ACADSB: variants seen among roughly 807,000 people sequenced by gnomAD.
ACADSB encodes short/branched chain specific acyl-CoA dehydrogenase, mitochondrial.
Under a neutral mutation model 54.1 loss-of-function variants are expected in ACADSB, and 40 were observed. That is an observed-to-expected ratio of 0.74 (90% CI 0.57 to 0.96). The LOEUF (loss-of-function observed/expected upper bound fraction) is 0.96. Ranked by LOEUF, ACADSB falls within the 40% of genes least tolerant of loss-of-function variation. The probability of loss-of-function intolerance (pLI) is 0.00; values close to 1 mark genes in which losing one functional copy is unlikely to be tolerated. For synonymous variants in ACADSB, 182 were observed against 182.8 expected (o/e 1.00, Z 0.03); for missense variants, 530 against 510.4 (o/e 1.04, Z -0.37).
intron 7 of ACADSB, among the ~76,000 whole-genome samples, chr10:123,045,154 TATATATATATATATA>T (rs1850539063): frequency 1.1e-3 from 14 of 12,798 alleles, no homozygotes; most frequent in African/African-American, 2.4e-3. Flanking sequence ...TATATATATA[TATATATATATATATA>T]TATTTTTTTT....
At chr10:123,041,112 A>C (rs1251892835) in intron 4 of ACADSB, 97 bp from the exon 5 acceptor site, 2 of 1,337,608 alleles carry the variant, frequency 1.5e-6, no homozygotes, top group Admixed American at 1.8e-5. Flanking sequence ...AAAGCAGCTA[A>C]AGATTTGATT....
In ACADSB at chr10:123,012,123, T is replaced by C. The variant is rs142592328; in HGVS notation, c.42+3052T>C. Among the ~76,000 whole-genome samples the C allele has an allele frequency of 5.0e-3, 758 of 152,322 alleles. 9 individuals carry two copies. The highest frequency in any genetic ancestry group is 0.017 in the African/African-American group (698 of 41,564). ...ACCTCACCCTCCAAAATGCTGGGAT[T>C]ACAGGCATGAGCCATTGCACCCAGC... is the stretch of plus-strand genomic sequence containing the variant. On this transcript the variant is annotated intron_variant, in intron 1 of 10. Coordinates refer to ENST00000358776, the MANE Select transcript of ACADSB (RefSeq NM_001609.4).
At chr10:123,044,599 C>T (rs966525246) in intron 7 of ACADSB, 114 bp downstream of exon 7, 3 of 823,442 alleles carry the variant, frequency 3.6e-6, no homozygotes, top group African/African-American at 3.4e-5. Flanking sequence ...GGCACCGTTC[C>T]CTTACATGAG....
At chr10:123,028,239 T>C (rs1286087060) in intron 1 of ACADSB, among the ~76,000 whole-genome samples, 1 of 119,600 alleles carries the variant, frequency 8.4e-6, no homozygotes, top group African/African-American at 2.7e-5. Context: ...TAAATGTTAC[T>C]GTAATAAACT....
At chr10:123,042,454 A>C (rs561965264) in intron 5 of ACADSB, among the ~76,000 whole-genome samples, 2 of 137,550 alleles carry the variant, frequency 1.5e-5, no homozygotes, top group African/African-American at 5.5e-5. Context: ...TAAATTGTTA[A>C]AACTTTTTTT....
chr10:123,047,026 G>A (rs1458365769), intron 7 of ACADSB, among the ~76,000 whole-genome samples, 183 bp from the exon 8 acceptor site: 1 of 152,152 alleles, frequency 6.6e-6, no homozygotes, highest in Admixed American at 6.5e-5. Context: ...CCAATTATTG[G>A]AAGTTCAGTT....
At chr10:123,018,132 A>G (rs953563709) in intron 1 of ACADSB, among the ~76,000 whole-genome samples, 1 of 152,184 alleles carries the variant, frequency 6.6e-6, no homozygotes, top group Non-Finnish European at 1.5e-5. Context: ...AAGTCTGTTC[A>G]GCTGGTTTGG....
chr10:123,057,135 A>G lies in ACADSB; in HGVS notation c.*3370A>G, dbSNP rs1850719256. 1 of 152,398 alleles carries G rather than the reference A, an allele frequency of 6.6e-6. No individual in the cohort carries two copies. Among genetic ancestry groups the G allele is most frequent in the African/African-American group, 2.4e-5 (1 of 41,478 alleles). The allele number at this position is 152,398 out of a possible 1,614,324, so 9.4% of individuals were successfully genotyped here. A position where few individuals can be genotyped will look rare whatever the true frequency, so the allele number is the denominator to read the frequency against. On this transcript the variant is annotated 3_prime_UTR_variant, in exon 11 of 11. Transcript: ENST00000358776. ...TACAGATAATGGAGCAGAAGCCAAC[A>G]TTAGTAAAAGGAATCCCAACTTCTT... is the stretch of plus-strand genomic sequence containing the variant.
rs755999073 is a variant in ACADSB, at chr10:123,053,792, G to A, written c.*27G>A. ...GTCTATAGGAGTGGGACCCCTCCCT[G>A]GTGTCACTGCTGTAAAATTTTAAAC... On this transcript the variant is annotated 3_prime_UTR_variant, in exon 11 of 11. Transcript: ENST00000358776. 1.6e-5 allele frequency: 26 copies of A among 1,591,706 alleles called. No individual in the cohort carries two copies. Among genetic ancestry groups the A allele is most frequent in the Non-Finnish European group, 1.9e-5 (22 of 1,159,744 alleles).
At chr10:123,011,013 G>A (rs1014274391) in intron 1 of ACADSB, among the ~76,000 whole-genome samples, 4 of 152,144 alleles carry the variant, frequency 2.6e-5, no homozygotes, top group African/African-American at 9.7e-5. Context: ...AACAAAAGGG[G>A]ACTGAGGCCA....
chr10:123,033,347 G>C (rs1364878820), intron 1 of ACADSB, among the ~76,000 whole-genome samples: 2 of 152,182 alleles, frequency 1.3e-5, no homozygotes, highest in East Asian at 1.9e-4. Flanking sequence ...ATTGACAGTG[G>C]TTTCAAACGT....
At chr10:123,042,527 C>A (rs929761326) in intron 5 of ACADSB, among the ~76,000 whole-genome samples, 1 of 131,568 alleles carries the variant, frequency 7.6e-6, no homozygotes, top group Non-Finnish European at 1.5e-5. Context: ...AGGCTGTGAT[C>A]CCAGCTCACT....
At chr10:123,022,504 T>C (rs1850195961) in intron 1 of ACADSB, among the ~76,000 whole-genome samples, 1 of 152,200 alleles carries the variant, frequency 6.6e-6, no homozygotes. Context: ...AACCCCAAAA[T>C]TCCTGGTCTG....
chr10:123,027,644 C>T (rs1421612287), intron 1 of ACADSB: 3 of 411,580 alleles, frequency 7.3e-6, no homozygotes, highest in African/African-American at 4.1e-5. Context: ...TGTCTTTATC[C>T]ACAGTGTGAA....
chr10:123,053,061 A>G lies in ACADSB; in HGVS notation c.1129A>G (p.Ile377Val), dbSNP rs780179815. Residue 377 changes from isoleucine (I) to valine (V), a missense_variant and splice_region_variant, in exon 10 of 11, where the codon ATT (isoleucine) becomes GTT (valine). Coordinates refer to ENST00000358776, the MANE Select transcript of ACADSB (RefSeq NM_001609.4). ...ASMAKYYASE[I>V]AGQTTSKCIE... is the part of the protein sequence containing the mutation. ...TGTGATTTGCACTTGCTTTTGGTAG[A>G]TTGCAGGACAAACAACGAGTAAATG... The G allele has an allele frequency of 1.9e-6, 3 of 1,613,456 alleles. No individual in the cohort carries two copies. The highest frequency in any genetic ancestry group is 2.5e-6 in the Non-Finnish European group (3 of 1,179,410).
chr10:123,041,775 C>T (rs984816250), intron 5 of ACADSB, among the ~76,000 whole-genome samples: 3 of 152,010 alleles, frequency 2.0e-5, no homozygotes, highest in Non-Finnish European at 2.9e-5. Context: ...TAGAGTCTAC[C>T]GGAGCATGTG....
chr10:123,012,015 A>G (rs1345575193), intron 1 of ACADSB, among the ~76,000 whole-genome samples: 3 of 152,116 alleles, frequency 2.0e-5, no homozygotes, highest in Middle Eastern at 3.4e-3. Context: ...GCACCTGGCT[A>G]ATTTTTAAAG....
chr10:123,009,329 G>C (rs1284592880), intron 1 of ACADSB, among the ~76,000 whole-genome samples: 2 of 152,178 alleles, frequency 1.3e-5, no homozygotes, highest in South Asian at 4.1e-4. Flanking sequence ...TGGAGTCGGA[G>C]GGTCGCGTCC....
At chr10:123,025,724 A>G (rs1051036805) in intron 1 of ACADSB, among the ~76,000 whole-genome samples, 1 of 152,212 alleles carries the variant, frequency 6.6e-6, no homozygotes, top group Admixed American at 6.5e-5. Flanking sequence ...TTGTAGACAT[A>G]TGAAAACATG....
Sources: gnomAD v4.1 joint callset for allele counts (sites outside exome capture counted in the v4.1 genomes callset) on GRCh38, gnomAD v4.1.1 for gene constraint, MANE v1.5 for transcripts, NCBI Gene and HGNC (gene_info 2026-07-23, HGNC 2026-07-21) for gene names.